Variants in RHOH observed in about 807,000 individuals in gnomAD.
The protein encoded by RHOH is rho-related GTP-binding protein RhoH.
Under a neutral mutation model 13.8 loss-of-function variants are expected in RHOH, and 6 were observed. The observed-to-expected ratio is 0.44, with a 90% CI of 0.24 to 0.86. The LOEUF (loss-of-function observed/expected upper bound fraction) is 0.86. Ranked by LOEUF, RHOH falls within the 40% of genes least tolerant of loss-of-function variation. RHOH has a pLI of 0.24. For missense variants in RHOH, 147 were observed against 244.5 expected (o/e 0.60, Z 2.66); for synonymous variants, 117 against 103.0 (o/e 1.14, Z -0.82).
intron 1 of RHOH, among the ~76,000 whole-genome samples, chr4:40,203,552 G>T (rs573082870): frequency 6.7e-6 from 1 of 150,150 alleles, no homozygotes; most frequent in Non-Finnish European, 1.5e-5. Context: ...GTGAGAGAGA[G>T]AGAGTGTGTG....
intron 1 of RHOH, among the ~76,000 whole-genome samples, chr4:40,199,799 G>T (rs1027399076): frequency 2.2e-4 from 33 of 152,136 alleles, no homozygotes; most frequent in African/African-American, 6.8e-4. Flanking sequence ...ATTTGGGTTT[G>T]GGATGCTTGG....
chr4:40,210,089 C>CGT (rs5857717), intron 1 of RHOH, among the ~76,000 whole-genome samples: 14,599 of 145,102 alleles, frequency 0.1, 736 homozygotes, highest in East Asian at 0.25. Context: ...ACATTGTGTG[C>CGT]GTGTGTGTGT....
At chr4:40,233,666 A>G (rs1295040507) in intron 1 of RHOH, among the ~76,000 whole-genome samples, 1 of 152,238 alleles carries the variant, frequency 6.6e-6, no homozygotes, top group Non-Finnish European at 1.5e-5. Flanking sequence ...CAACATGTCA[A>G]TGAATGGGCA....
At chr4:40,191,225 C>T (rs745642126), upstream of RHOH, 8 of 152,212 alleles carry the variant, frequency 5.3e-5, no homozygotes, top group Non-Finnish European at 8.8e-5. Context: ...GACTCACTCT[C>T]AGAGCCTGCC....
At chr4:40,202,379 G>A (rs889567618) in intron 1 of RHOH, among the ~76,000 whole-genome samples, 1 of 152,168 alleles carries the variant, frequency 6.6e-6, no homozygotes, top group African/African-American at 2.4e-5. Flanking sequence ...AGAATTAAAT[G>A]TGAGCCGTAA....
intron 1 of RHOH, among the ~76,000 whole-genome samples, chr4:40,214,921 C>T (rs1359982459): frequency 6.6e-6 from 1 of 152,132 alleles, no homozygotes; most frequent in Non-Finnish European, 1.5e-5. Context: ...AATACACAGG[C>T]TGTGTTGATG....
In RHOH at chr4:40,211,039, T is replaced by C. The variant is rs535775224; in HGVS notation, c.-331+13739T>C. Reference sequence around the variant, plus strand: ...AGTGGCAAACTAACAATGCGTGCCGTAGAGAATGTCATACATTAAATTAAT... The same window carrying C: ...AGTGGCAAACTAACAATGCGTGCCGCAGAGAATGTCATACATTAAATTAAT... On this transcript the variant is annotated intron_variant, in intron 1 of 2. Coordinates refer to ENST00000381799, the MANE Select transcript of RHOH (RefSeq NM_004310.5). 1.2e-4 allele frequency among the ~76,000 whole-genome samples: 18 copies of C among 152,330 alleles called. No individual in the cohort carries two copies. The South Asian group carries it at 3.1e-3, about 26-fold the overall frequency.
chr4:40,217,507 CCT>C (rs562066837), intron 1 of RHOH, among the ~76,000 whole-genome samples: 1 of 151,974 alleles, frequency 6.6e-6, no homozygotes, highest in South Asian at 2.1e-4. Context: ...TTACTTTTTT[CCT>C]CTCTCTATTT....
At chr4:40,229,220 C>G (rs1007944120) in intron 1 of RHOH, among the ~76,000 whole-genome samples, 10 of 152,216 alleles carry the variant, frequency 6.6e-5, no homozygotes, top group African/African-American at 2.4e-4. Flanking sequence ...TGCTGTCATC[C>G]TTTTGCCACT....
upstream of RHOH, among the ~76,000 whole-genome samples, chr4:40,194,174 A>G (rs757748320): frequency 7.9e-5 from 12 of 151,996 alleles, no homozygotes; most frequent in Non-Finnish European, 1.5e-4. Flanking sequence ...GATGAGAGAA[A>G]CTTTTTATCC....
chr4:40,238,762 C>G (rs1160945685), intron 1 of RHOH, among the ~76,000 whole-genome samples: 2 of 152,210 alleles, frequency 1.3e-5, no homozygotes, highest in African/African-American at 4.8e-5. Context: ...ACCCATGACG[C>G]TCTCGTAACT....
intron 1 of RHOH, among the ~76,000 whole-genome samples, chr4:40,231,652 G>A (rs62303868): frequency 0.02 from 2,981 of 152,310 alleles, 52 homozygotes; most frequent in Non-Finnish European, 0.029. Context: ...TCAGGCCTGC[G>A]TGTCAGTTCC....
rs1258007319 is a variant in RHOH, at chr4:40,243,132, A to G, written c.-209-46A>G. The G allele has an allele frequency of 2.5e-6, 1 of 396,846 alleles. No individual in the cohort carries two copies. Among genetic ancestry groups the G allele is most frequent in the Non-Finnish European group, 4.5e-6 (1 of 221,728 alleles). The allele number at this position is 396,846 out of a possible 1,614,324, so 24.6% of individuals were successfully genotyped here. ...AAGCCCCTTATCTTCAAAAAAGGCA[A>G]GAAAGAAAGAAAGACTTCATTTTCC... is the stretch of plus-strand genomic sequence containing the variant. On this transcript the variant is annotated intron_variant, in intron 2 of 2. Transcript: ENST00000381799. The surrounding 1 kb of genome is among the most constrained non-coding windows in gnomAD (Gnocchi z 6.2).
At chr4:40,241,749 G>T (rs902723229) in intron 1 of RHOH, among the ~76,000 whole-genome samples, 1 of 152,058 alleles carries the variant, frequency 6.6e-6, no homozygotes, top group African/African-American at 2.4e-5. Flanking sequence ...AATTAGCCCG[G>T]TGTGGTGGCA....
intron 1 of RHOH, among the ~76,000 whole-genome samples, chr4:40,202,095 C>T (rs1406669856): frequency 6.6e-6 from 1 of 151,800 alleles, no homozygotes; most frequent in African/African-American, 2.4e-5. Flanking sequence ...GGACCACAGG[C>T]GTGTGCCACC....
chr4:40,212,126 C>G (rs1996558), intron 1 of RHOH, among the ~76,000 whole-genome samples: 88,320 of 152,002 alleles, frequency 0.58, 25,839 homozygotes, highest in Admixed American at 0.63. Context: ...ATTATGAATA[C>G]AGATACTTCC....
intron 1 of RHOH, among the ~76,000 whole-genome samples, chr4:40,201,906 C>T (rs1253413868): frequency 6.7e-6 from 1 of 149,458 alleles, no homozygotes; most frequent in African/African-American, 2.5e-5. Context: ...ATACCCTGAA[C>T]ACTAAGCAAT....
intron 1 of RHOH, among the ~76,000 whole-genome samples, chr4:40,213,695 T>G (rs1373039293): frequency 1.3e-5 from 2 of 152,112 alleles, no homozygotes; most frequent in South Asian, 2.1e-4. Flanking sequence ...TGAGGACAGC[T>G]GCCCTAGACC....
intron 1 of RHOH, among the ~76,000 whole-genome samples, chr4:40,212,460 C>T (rs754535254): frequency 2.2e-4 from 34 of 152,292 alleles, no homozygotes; most frequent in Non-Finnish European, 3.8e-4. Flanking sequence ...TCAACGAGGG[C>T]TTGCACTTAG....
Sources: allele counts gnomAD v4.1 joint callset (sites outside exome capture counted in the v4.1 genomes callset), GRCh38; gene constraint gnomAD v4.1.1; non-coding constraint Gnocchi (gnomAD v3.1); transcripts MANE v1.5; gene names NCBI Gene and HGNC (gene_info 2026-07-23, HGNC 2026-07-21).